Variants in CFAP299 observed in about 807,000 individuals in gnomAD.
CFAP299 encodes the protein cilia- and flagella-associated protein 299.
CFAP299 carries 21 observed loss-of-function variants against 27.0 expected under a neutral mutation model. The ratio of observed to expected loss-of-function variants is 0.78; its 90% CI spans 0.55 to 1.12. CFAP299 has a LOEUF of 1.12. CFAP299 is among the 50% of genes most tolerant of loss of function. The pLI is 0.00. For synonymous variants in CFAP299, 104 were observed against 98.1 expected (o/e 1.06, Z -0.36); for missense variants, 310 against 276.6 (o/e 1.12, Z -0.86).
At chr4:80,730,429 G>C (rs770122586) in intron 3 of CFAP299, among the ~76,000 whole-genome samples, 3 of 151,950 alleles carry the variant, frequency 2.0e-5, no homozygotes, top group East Asian at 3.9e-4. Flanking sequence ...ATGAAGGCAA[G>C]GCTCCCCCAG....
At chr4:80,477,688 C>T (rs1019962133) in intron 2 of CFAP299, among the ~76,000 whole-genome samples, 7 of 152,272 alleles carry the variant, frequency 4.6e-5, no homozygotes, top group Non-Finnish European at 8.8e-5. Context: ...GTTGACTCCA[C>T]GACACCTAGC....
intron 3 of CFAP299, among the ~76,000 whole-genome samples, chr4:80,595,483 C>T (rs1418680800): frequency 2.6e-5 from 4 of 152,204 alleles, no homozygotes; most frequent in Non-Finnish European, 4.4e-5. Flanking sequence ...TGATGTTCAA[C>T]ACTGGCTTGT....
chr4:80,516,459 A>C (rs549663359), intron 2 of CFAP299, among the ~76,000 whole-genome samples: 2 of 152,292 alleles, frequency 1.3e-5, no homozygotes, highest in East Asian at 3.9e-4. Flanking sequence ...GGAAGTTTAC[A>C]ATCATGATGG....
intron 3 of CFAP299, among the ~76,000 whole-genome samples, chr4:80,739,989 A>T (rs1232552554): frequency 6.6e-6 from 1 of 151,996 alleles, no homozygotes; most frequent in Non-Finnish European, 1.5e-5. Context: ...TTAAACTCTA[A>T]CATTTCTGCT....
chr4:80,764,503 A>G (rs1410755618), intron 3 of CFAP299, among the ~76,000 whole-genome samples: 2 of 152,218 alleles, frequency 1.3e-5, no homozygotes, highest in Non-Finnish European at 2.9e-5. Context: ...GTGGGAGTGT[A>G]AATTAGTTTA....
chr4:80,364,098 A>ACCCACACC (rs1723696380), intron 2 of CFAP299, among the ~76,000 whole-genome samples: 3 of 150,304 alleles, frequency 2.0e-5, no homozygotes, highest in African/African-American at 7.4e-5. Flanking sequence ...AAACACACAC[A>ACCCACACC]CACACACACA....
intron 3 of CFAP299, among the ~76,000 whole-genome samples, chr4:80,653,028 A>G (rs1740387358): frequency 1.3e-5 from 2 of 152,060 alleles, no homozygotes; most frequent in Admixed American, 1.3e-4. Context: ...TCTCATGTGA[A>G]TTTAGAGACA....
At chr4:80,525,083 T>A in intron 2 of CFAP299, among the ~76,000 whole-genome samples, 1 of 152,122 alleles carries the variant, frequency 6.6e-6, no homozygotes, top group East Asian at 1.9e-4. Context: ...CATAAGCAGT[T>A]TACAACATGA....
At chr4:80,605,448 A>T (rs968810156) in intron 3 of CFAP299, among the ~76,000 whole-genome samples, 47 of 152,310 alleles carry the variant, frequency 3.1e-4, no homozygotes, top group African/African-American at 9.4e-4. Context: ...ACAGACTGGA[A>T]AACTGAAAAC....
At chr4:80,735,223 CTT>C (rs1183780232) in intron 3 of CFAP299, among the ~76,000 whole-genome samples, 1 of 151,950 alleles carries the variant, frequency 6.6e-6, no homozygotes, top group East Asian at 1.9e-4. Flanking sequence ...AATTAGATCA[CTT>C]TATTTCTTTT....
At chr4:80,461,617 T>C (rs1438380899) in intron 2 of CFAP299, among the ~76,000 whole-genome samples, 1 of 152,158 alleles carries the variant, frequency 6.6e-6, no homozygotes, top group Non-Finnish European at 1.5e-5. Context: ...ATTCCCATTA[T>C]GGCCTGAACT....
At chr4:80,715,680 TA>T (rs1722439491) in intron 3 of CFAP299, among the ~76,000 whole-genome samples, 1 of 152,094 alleles carries the variant, frequency 6.6e-6, no homozygotes, top group African/African-American at 2.4e-5. Flanking sequence ...TTAAAATATA[TA>T]AAATGTACGT....
intron 3 of CFAP299, among the ~76,000 whole-genome samples, chr4:80,724,778 T>A (rs1214408029): frequency 6.6e-6 from 1 of 152,134 alleles, no homozygotes; most frequent in East Asian, 1.9e-4. Flanking sequence ...TATTTTTTAA[T>A]AAGTTTCTCC....
rs144526177 is a variant in CFAP299, at chr4:80,504,181, G to A, written c.243-78912G>A. Among the ~76,000 whole-genome samples, 1,032 of 151,828 alleles carry A rather than the reference G, an allele frequency of 6.8e-3. 7 individuals carry two copies. The highest frequency in any genetic ancestry group is 0.024 in the African/African-American group (975 of 41,390). ...CCTGAGGGAGTGACCAGTGTTCTGA[G>A]CGGAGATGTCTAAGTGGATATGAAG... is the stretch of plus-strand genomic sequence containing the variant. On this transcript the variant is annotated intron_variant, in intron 2 of 5. Coordinates refer to ENST00000358105, the MANE Select transcript of CFAP299 (RefSeq NM_152770.3).
chr4:80,921,597 C>T (rs1407616278), intron 4 of CFAP299, among the ~76,000 whole-genome samples: 4 of 151,930 alleles, frequency 2.6e-5, no homozygotes, highest in Non-Finnish European at 5.9e-5. Context: ...CATGAAGGGC[C>T]ATGTAAAAGC....
chr4:80,639,970 C>G (rs1174375123), intron 3 of CFAP299: 1 of 152,134 alleles, frequency 6.6e-6, no homozygotes, highest in Non-Finnish European at 1.5e-5. Flanking sequence ...CCATGCCCAG[C>G]CGGGGCATTA....
At chr4:80,917,125 G>A (rs1408594496) in intron 4 of CFAP299, among the ~76,000 whole-genome samples, 1 of 152,096 alleles carries the variant, frequency 6.6e-6, no homozygotes, top group East Asian at 1.9e-4. Flanking sequence ...CTAACAGGGT[G>A]GTACTAAAAG....
intron 3 of CFAP299, among the ~76,000 whole-genome samples, chr4:80,842,560 AAGTGCTTAGCAC>A (rs1185411861): frequency 5.9e-5 from 9 of 152,182 alleles, no homozygotes; most frequent in Non-Finnish European, 1.0e-4. Flanking sequence ...AATGCACAGA[AAGTGCTTAGCAC>A]AGTGCAAGAC....
chr4:80,742,996 C>T (rs1277012762), intron 3 of CFAP299, among the ~76,000 whole-genome samples: 1 of 152,110 alleles, frequency 6.6e-6, no homozygotes, highest in Non-Finnish European at 1.5e-5. Context: ...GTGGACAGGA[C>T]TGTGTATGCA....
Sources: gnomAD v4.1 joint callset for allele counts (sites outside exome capture counted in the v4.1 genomes callset) on GRCh38, gnomAD v4.1.1 for gene constraint, MANE v1.5 for transcripts, NCBI Gene and HGNC (gene_info 2026-07-23, HGNC 2026-07-21) for gene names.